Variants in TGM6 observed in about 807,000 individuals in gnomAD.
TGM6 encodes transglutaminase 6.
Under a neutral mutation model 77.5 loss-of-function variants are expected in TGM6, and 74 were observed. The observed-to-expected ratio is 0.96, with a 90% CI of 0.79 to 1.16. TGM6 has a LOEUF of 1.16. TGM6 is among the 50% of genes most tolerant of loss of function. The pLI is 0.00. For synonymous variants in TGM6, 383 were observed against 378.9 expected, an observed-to-expected ratio of 1.01 and a Z score of -0.12; for missense variants, 968 against 940.2, an observed-to-expected ratio of 1.03 and a Z score of -0.39.
chr20:2,403,854 TC>T (rs748647492), intron 9 of TGM6, 31 bp downstream of exon 9: 98 of 1,613,436 alleles, frequency 6.1e-5, no homozygotes, highest in Non-Finnish European at 7.9e-5. Flanking sequence ...TTTATTACCT[TC>T]CCCCGGATGG....
chr20:2,400,807 C>T (rs185256159), intron 7 of TGM6, among the ~76,000 whole-genome samples: 18 of 152,210 alleles, frequency 1.2e-4, no homozygotes, highest in South Asian at 4.1e-4. Flanking sequence ...TGCGGTTCTC[C>T]GTGTTGTGTG....
intron 9 of TGM6, among the ~76,000 whole-genome samples, chr20:2,414,934 TG>T (rs796313071): frequency 0.057 from 1,613 of 28,504 alleles, 25 homozygotes; most frequent in African/African-American, 0.12. Context: ...TTACAGAATT[TG>T]GGGGGGGGGG....
At chr20:2,400,198 G>A (rs2084696406) in intron 6 of TGM6, 108 bp from the exon 7 acceptor site, 14 of 1,494,686 alleles carry the variant, frequency 9.4e-6, no homozygotes, top group Non-Finnish European at 1.3e-5. Flanking sequence ...ACAAAGATGG[G>A]GTGGCAGAGG....
chr20:2,399,769 C>G, intron 6 of TGM6, 31 bp downstream of exon 6: 1 of 1,585,828 alleles, frequency 6.3e-7, no homozygotes, highest in Non-Finnish European at 8.6e-7. Context: ...CCCAGGGTAC[C>G]TGTGCCCCCA....
chr20:2,430,320 C>T lies in TGM6; in HGVS notation c.1679-126C>T. On this transcript the variant is annotated intron_variant, in intron 10 of 12. Coordinates refer to ENST00000202625, the MANE Select transcript of TGM6 (RefSeq NM_198994.3). ...CATCTGAGAACCGAGGAAAATAAAG[C>T]CTGTCTCAGAATGGTTGCAAGGACC... is the stretch of plus-strand genomic sequence containing the variant. The T allele has an allele frequency of 3.9e-6, 5 of 1,285,478 alleles. No homozygotes were observed. The South Asian group carries it at 4.8e-5, about 12-fold the overall frequency. The allele number at this position is 1,285,478 out of a possible 1,614,324, so 79.6% of individuals were successfully genotyped here.
rs779629603 is a variant in TGM6, at chr20:2,380,934, G to C, written c.-35G>C. On this transcript the variant is annotated 5_prime_UTR_variant, in exon 1 of 13. Transcript: ENST00000202625. The stretch of plus-strand genomic sequence containing the variant: ...CTGTCCTGACGGTGCACACACTGCT[G>C]TGTGGAGGAACAGAGGAGTCCAGCT... 1 of 1,603,370 alleles carries C rather than the reference G, an allele frequency of 6.2e-7. No individual in the cohort carries two copies. The highest frequency in any genetic ancestry group is 1.3e-5 in the African/African-American group (1 of 74,846).
At chr20:2,415,974 G>A (rs1214897077) in intron 9 of TGM6, among the ~76,000 whole-genome samples, 1 of 152,168 alleles carries the variant, frequency 6.6e-6, no homozygotes, top group Non-Finnish European at 1.5e-5. Context: ...GAAGACCATG[G>A]ACAACAAGAG....
intron 1 of TGM6, among the ~76,000 whole-genome samples, chr20:2,388,811 C>A (rs1395263071): frequency 1.3e-5 from 2 of 152,170 alleles, no homozygotes; most frequent in Non-Finnish European, 2.9e-5. Flanking sequence ...GTCTAGCCAA[C>A]AATTACTGAC....
rs371018532 is a variant in TGM6, at chr20:2,380,933, T to A, written c.-36T>A. ...ACTGTCCTGACGGTGCACACACTGC[T>A]GTGTGGAGGAACAGAGGAGTCCAGC... On this transcript the variant is annotated 5_prime_UTR_variant, in exon 1 of 13. Coordinates refer to ENST00000202625, the MANE Select transcript of TGM6 (RefSeq NM_198994.3). 1 of 1,603,300 alleles carries A rather than the reference T, an allele frequency of 6.2e-7. No individual in the cohort carries two copies. The highest frequency in any genetic ancestry group is 8.5e-7 in the Non-Finnish European group (1 of 1,176,588).
Position 2,432,721 on chromosome 20 carries a change from G to T in TGM6, c.*78G>T, listed in dbSNP as rs931228915. On this transcript the variant is annotated 3_prime_UTR_variant, in exon 13 of 13. Coordinates refer to ENST00000202625, the MANE Select transcript of TGM6 (RefSeq NM_198994.3). ...CATTCTTTGTCTCTTCCACATGGGA[G>T]CCAGGAGGCCTCAGTTAATCCTGCC... The T allele has an allele frequency of 6.2e-7, 1 of 1,601,470 alleles. No individual in the cohort carries two copies. Among genetic ancestry groups the T allele is most frequent in the African/African-American group, 1.3e-5 (1 of 74,272 alleles).
chr20:2,396,723 A>G (rs2084671169), intron 4 of TGM6, 99 bp downstream of exon 4: 1 of 1,111,156 alleles, frequency 9.0e-7, no homozygotes, highest in East Asian at 2.5e-5. Flanking sequence ...CAGGAGGGAC[A>G]AGGGGGGCTC....
At chr20:2,427,974 ACTT>A (rs1482385159) in intron 10 of TGM6, among the ~76,000 whole-genome samples, 4 of 152,020 alleles carry the variant, frequency 2.6e-5, no homozygotes, top group Non-Finnish European at 4.4e-5. Flanking sequence ...TTCTCTTAAG[ACTT>A]CTTCTTTGTC....
At chr20:2,426,062 A>C (rs2084885703) in intron 10 of TGM6, among the ~76,000 whole-genome samples, 1 of 152,220 alleles carries the variant, frequency 6.6e-6, no homozygotes, top group Admixed American at 6.5e-5. Context: ...TAACTTCTTC[A>C]GATTGCATTG....
chr20:2,431,096 T>C (rs1311721484), intron 12 of TGM6, 69 bp downstream of exon 12: 2 of 1,594,618 alleles, frequency 1.3e-6, no homozygotes, highest in African/African-American at 1.3e-5. Context: ...AGAGAGAAGT[T>C]GCCAGGGATG....
chr20:2,401,751 G>C (rs970762223), intron 7 of TGM6, among the ~76,000 whole-genome samples: 4 of 152,178 alleles, frequency 2.6e-5, no homozygotes, highest in African/African-American at 9.7e-5. Context: ...GGAAGCATAA[G>C]GGTATGAACC....
intron 2 of TGM6, 130 bp downstream of exon 2, chr20:2,394,755 C>G (rs112872747): frequency 4.4e-6 from 5 of 1,132,398 alleles, no homozygotes; most frequent in Non-Finnish European, 5.1e-6. Flanking sequence ...GTAGACGGAG[C>G]CTTGAACCCT....
At chr20:2,419,904 C>G (rs1275368220) in intron 10 of TGM6, among the ~76,000 whole-genome samples, 1 of 152,148 alleles carries the variant, frequency 6.6e-6, no homozygotes, top group Non-Finnish European at 1.5e-5. Context: ...AAAGAAATCA[C>G]TTTTTTTCCT....
intron 1 of TGM6, among the ~76,000 whole-genome samples, chr20:2,392,567 C>T (rs889806069): frequency 6.6e-6 from 1 of 152,182 alleles, no homozygotes; most frequent in Non-Finnish European, 1.5e-5. Flanking sequence ...CTCACAATCA[C>T]GCCACAGGCA....
intron 9 of TGM6, among the ~76,000 whole-genome samples, chr20:2,415,544 C>T (rs1453628623): frequency 6.6e-6 from 1 of 152,122 alleles, no homozygotes; most frequent in African/African-American, 2.4e-5. Flanking sequence ...AATAAAAGTT[C>T]ACACACTGAC....
Sources: gnomAD v4.1 joint callset for allele counts (sites outside exome capture counted in the v4.1 genomes callset) on GRCh38, gnomAD v4.1.1 for gene constraint, MANE v1.5 for transcripts, NCBI Gene and HGNC (gene_info 2026-07-23, HGNC 2026-07-21) for gene names.